Variants in ADGRG1 observed in about 807,000 individuals in gnomAD.
The protein encoded by ADGRG1 is 7-transmembrane protein with no EGF-like N-terminal domains-1.
In ADGRG1, 53 loss-of-function variants were observed where a neutral mutation model predicts 73.5. The ratio of observed to expected loss-of-function variants is 0.72; its 90% CI spans 0.58 to 0.91. The LOEUF (loss-of-function observed/expected upper bound fraction) is 0.91. ADGRG1 is among the 40% of genes least tolerant of loss of function. ADGRG1 has a pLI of 0.00. For synonymous variants in ADGRG1, 394 were observed against 374.4 expected, an observed-to-expected ratio of 1.05 and a Z score of -0.60; for missense variants, 795 against 871.8, an observed-to-expected ratio of 0.91 and a Z score of 1.11.
chr16:57,628,211 C>T (rs1472728709), upstream of ADGRG1: 19 of 982,930 alleles, frequency 1.9e-5, no homozygotes, highest in Admixed American at 8.0e-4. Flanking sequence ...GCTGGACTCT[C>T]CTTCAGGAAA....
At chr16:57,645,384 A>T in intron 1 of ADGRG1, 1 of 773,028 alleles carries the variant, frequency 1.3e-6, no homozygotes, top group Non-Finnish European at 1.4e-6. Context: ...ACCACCCCCC[A>T]ACCTGATGCC....
In ADGRG1 at chr16:57,660,739, AG is replaced by A. The variant is rs752404116; in HGVS notation, c.1556-28del. 2.0e-6 allele frequency: 3 copies of A among 1,522,816 alleles called. No individual in the cohort carries two copies. The South Asian group carries it at 3.4e-5, about 17-fold the overall frequency. 94.3% of individuals were successfully genotyped at this position (1,522,816 alleles called of 1,614,324 possible). A position where few individuals can be genotyped will look rare whatever the true frequency, so the allele number is the denominator to read the frequency against. ...AATGGGCAGGCCTCAGAGAGCGGGA[AG>A]TAGAGCAACATGCATTGCCACCCTC... On this transcript the variant is annotated intron_variant, in intron 11 of 13. Coordinates refer to ENST00000562631, the MANE Select transcript of ADGRG1 (RefSeq NM_201525.4).
intron 1 of ADGRG1, among the ~76,000 whole-genome samples, chr16:57,637,042 G>A (rs1036011988): frequency 6.6e-5 from 10 of 152,180 alleles, no homozygotes; most frequent in Non-Finnish European, 1.0e-4. Flanking sequence ...AGGGAAAAGT[G>A]CACGCAAAGA....
chr16:57,624,721 A>T, upstream of ADGRG1: 3 of 984,704 alleles, frequency 3.0e-6, no homozygotes, highest in Non-Finnish European at 3.6e-6. Context: ...AGCAGACAAT[A>T]AGGATGCCCT....
chr16:57,645,645 C>T (rs2042428602), intron 1 of ADGRG1, among the ~76,000 whole-genome samples: 2 of 152,168 alleles, frequency 1.3e-5, no homozygotes, highest in Non-Finnish European at 2.9e-5. Flanking sequence ...CCGTGGTTCC[C>T]AAGCCTGCAG....
Position 57,645,308 on chromosome 16 carries a change from G to C in ADGRG1, c.-35-4945G>C, listed in dbSNP as rs1397050635. Reference sequence around the variant, plus strand: ...GAAGGCCTCCAGGTGGGCAAGACTAGGCTGGAACCTGGAGATTGCCTCCGG... The same window carrying C: ...GAAGGCCTCCAGGTGGGCAAGACTACGCTGGAACCTGGAGATTGCCTCCGG... On this transcript the variant is annotated intron_variant, in intron 1 of 13. Coordinates refer to ENST00000562631, the MANE Select transcript of ADGRG1 (RefSeq NM_201525.4). The C allele has an allele frequency of 4.1e-6, 4 of 985,310 alleles. No individual in the cohort carries two copies. The African/African-American group carries it at 5.2e-5, about 13-fold the overall frequency. The allele number at this position is 985,310 out of a possible 1,614,324, so 61.0% of individuals were successfully genotyped here.
rs751777688 is a variant in ADGRG1, at chr16:57,655,831, C to G, written c.901-45C>G. ...GGGCTTCTGGGCCCTTCTTCTCAGT[C>G]CTGAACTCCCTCCCTACTCTCTTCC... On this transcript the variant is annotated intron_variant, in intron 6 of 13. Coordinates refer to ENST00000562631, the MANE Select transcript of ADGRG1 (RefSeq NM_201525.4). 1.9e-6 allele frequency: 3 copies of G among 1,613,764 alleles called. No individual in the cohort carries two copies. The African/African-American group carries it at 4.0e-5, about 22-fold the overall frequency.
At chr16:57,653,435 C>T in intron 4 of ADGRG1, 100 bp downstream of exon 4, 1 of 1,563,452 alleles carries the variant, frequency 6.4e-7, no homozygotes, top group Admixed American at 1.8e-5. Context: ...GCGAGGCCTT[C>T]CCTGGGACTG....
In ADGRG1 at chr16:57,629,005, TGA is replaced by T. The variant is rs1415563847; in HGVS notation, c.-36+207_-36+208del. On this transcript the variant is annotated intron_variant, in intron 1 of 13. Coordinates refer to ENST00000562631, the MANE Select transcript of ADGRG1 (RefSeq NM_201525.4). ...GTGAGTGAGAATGTGAGTGTGAGTG[TGA>T]GAGTGTGACTGAGCGTTTGAGTGTG... 6.7e-4 allele frequency: 338 copies of T among 504,872 alleles called. 5 individuals are homozygous for T. The highest frequency in any genetic ancestry group is 5.7e-3 in the African/African-American group (262 of 46,298). 31.3% of individuals were successfully genotyped at this position (504,872 alleles called of 1,614,324 possible). A position where few individuals can be genotyped will look rare whatever the true frequency, so the allele number is the denominator to read the frequency against.
intron 1 of ADGRG1, chr16:57,642,939 G>A (rs1305823755): frequency 6.6e-6 from 1 of 152,272 alleles, no homozygotes; most frequent in African/African-American, 2.4e-5. Context: ...TGCTCATAGG[G>A]TTACTGTGAG....
At chr16:57,625,761 C>G (rs1482921183), upstream of ADGRG1, 1 of 599,648 alleles carries the variant, frequency 1.7e-6, no homozygotes, top group Non-Finnish European at 2.1e-6. Context: ...TCCCCAGTAC[C>G]TTTGATTTAA....
chr16:57,633,979 T>G (rs1377880663), intron 1 of ADGRG1: 2 of 628,876 alleles, frequency 3.2e-6, no homozygotes, highest in Admixed American at 6.3e-5. Flanking sequence ...TGGAGTGAGT[T>G]AATGTGACCC....
intron 1 of ADGRG1, chr16:57,633,360 A>C (rs1159632166): frequency 4.1e-6 from 4 of 985,202 alleles, no homozygotes; most frequent in African/African-American, 1.7e-5. Context: ...ATTTCTCACA[A>C]CTTCATTACT....
intron 1 of ADGRG1, chr16:57,645,325 T>C (rs1479453673): frequency 2.0e-6 from 2 of 985,240 alleles, no homozygotes; most frequent in Non-Finnish European, 2.4e-6. Flanking sequence ...ACCTGGAGAT[T>C]GCCTCCGGGG....
At position 57,640,770 on chromosome 16, in the gene ADGRG1, G is replaced by C. The variant is rs575830342; in HGVS notation, c.-35-9483G>C. ...CCCTCAGCCAGTGATCCAGGACCTC[G>C]AGGAGGGGGAGGAAAAAAGAAAGGG... On this transcript the variant is annotated intron_variant, in intron 1 of 13. Transcript: ENST00000562631. 4.2e-5 allele frequency: 19 copies of C among 452,534 alleles called. No homozygotes were observed. In the Admixed American group the frequency reaches 5.8e-4, roughly 14 times the overall value. The allele number at this position is 452,534 out of a possible 1,614,324, so 28.0% of individuals were successfully genotyped here. A position where few individuals can be genotyped will look rare whatever the true frequency, so the allele number is the denominator to read the frequency against.
intron 13 of ADGRG1, chr16:57,662,925 T>G: frequency 2.0e-6 from 2 of 985,302 alleles, no homozygotes; most frequent in Non-Finnish European, 2.4e-6. Flanking sequence ...GAATGGGAGC[T>G]GGGAGTTGGT....
At chr16:57,625,367 C>T (rs34206031), upstream of ADGRG1, among the ~76,000 whole-genome samples, 3,272 of 152,272 alleles carry the variant, frequency 0.021, 103 homozygotes, top group East Asian at 0.16. Flanking sequence ...TCCTGTGCCC[C>T]GATTCTTCAG....
rs1395186781 is a variant in ADGRG1, at chr16:57,645,009, C to G, written c.-35-5244C>G. On this transcript the variant is annotated intron_variant, in intron 1 of 13. Transcript: ENST00000562631. ...ATGCACACACACATGCACACTCATG[C>G]ATGGGCGCACACACTCATCACACAC... 15 of 929,106 alleles carry G rather than the reference C, an allele frequency of 1.6e-5. No homozygotes were observed. The East Asian group carries it at 1.6e-3, about 102-fold the overall frequency. The allele number at this position is 929,106 out of a possible 1,614,324, so 57.6% of individuals were successfully genotyped here. A position where few individuals can be genotyped will look rare whatever the true frequency, so the allele number is the denominator to read the frequency against.
upstream of ADGRG1, chr16:57,623,035 A>C (rs1350563577): frequency 3.0e-5 from 30 of 985,240 alleles, no homozygotes; most frequent in Non-Finnish European, 2.9e-5. Flanking sequence ...GATGGTATGG[A>C]GGGGCAAAGC....
Sources: gnomAD v4.1 joint callset for allele counts (sites outside exome capture counted in the v4.1 genomes callset) on GRCh38, gnomAD v4.1.1 for gene constraint, MANE v1.5 for transcripts, NCBI Gene and HGNC (gene_info 2026-07-23, HGNC 2026-07-21) for gene names.